Variants in ZNF615 observed in about 807,000 individuals in gnomAD.
ZNF615 encodes the protein zinc finger protein 615.
A neutral mutation model predicts 15.3 loss-of-function variants in ZNF615; 15 were observed. The observed-to-expected ratio is 0.98, with a 90% CI of 0.66 to 1.51. ZNF615 has a LOEUF of 1.51. ZNF615 is among the 40% of genes most tolerant of loss of function. ZNF615 has a pLI of 0.00. For missense variants in ZNF615, 848 were observed against 895.9 expected (o/e 0.95, Z 0.68); for synonymous variants, 268 against 294.6 (o/e 0.91, Z 0.92).
At position 51,992,948 on chromosome 19, in the gene ZNF615, A is replaced by G. The variant is rs1031087208; in HGVS notation, c.2161T>C (p.Cys721Arg). Residue 721 changes from cysteine (C) to arginine (R), a missense_variant, in exon 7 of 7, where the codon TGT becomes CGT. Physicochemically the swap from Cys to Arg is radical, Grantham distance 180. Transcript: ENST00000598071. ...GCAAAAGCTTTCCCACAATCACTAC[A>G]TCCATAGGGCCTCTCTCCTGTATGT... is the stretch of plus-strand genomic sequence containing the variant. ...RKHTGERPYGCSDCGKAFAHL... is the reference protein window; with the variant it reads ...RKHTGERPYGRSDCGKAFAHL... 1 of 1,614,118 alleles carries G rather than the reference A, an allele frequency of 6.2e-7. No homozygotes were observed. Among genetic ancestry groups the G allele is most frequent in the South Asian group, 1.1e-5 (1 of 91,074 alleles).
chr19:51,996,652 A>AAGAG (rs1172543448), intron 6 of ZNF615, among the ~76,000 whole-genome samples: 1 of 152,224 alleles, frequency 6.6e-6, no homozygotes, highest in Non-Finnish European at 1.5e-5. Flanking sequence ...TATTCAAAGA[A>AAGAG]AGAGTACTGG....
In ZNF615 at chr19:51,991,857, G is replaced by A. The variant is rs1222053689; in HGVS notation, c.*1023C>T. On this transcript the variant is annotated 3_prime_UTR_variant, in exon 7 of 7. Coordinates refer to ENST00000598071, the MANE Select transcript of ZNF615 (RefSeq NM_001199324.2). ...ATTTCACTTTCCTGTATTTGGTAAT[G>A]AACTATGCTTATGTAAGTTGTTATC... is the stretch of plus-strand genomic sequence containing the variant. 4.0e-5 allele frequency: 6 copies of A among 151,540 alleles called. No homozygotes were observed. In the East Asian group the frequency reaches 9.7e-4, roughly 24 times the overall value. 9.4% of individuals were successfully genotyped at this position (151,540 alleles called of 1,614,324 possible).
rs2086263945 is a variant in ZNF615 at position 51,992,586 on chromosome 19, T to C, written c.*294A>G. ...TGGGCAAAGACGTTCCTATAATTAT[T>C]ACATTTCCACGAATTAGTAGTTTAT... On this transcript the variant is annotated 3_prime_UTR_variant, in exon 7 of 7. Coordinates refer to ENST00000598071, the MANE Select transcript of ZNF615 (RefSeq NM_001199324.2). The C allele has an allele frequency of 3.5e-6, 1 of 287,760 alleles. No individual in the cohort carries two copies. The highest frequency in any genetic ancestry group is 8.9e-5 in the South Asian group (1 of 11,240). 17.8% of individuals were successfully genotyped at this position (287,760 alleles called of 1,614,324 possible).
At chr19:52,001,616 CAAAA>C (rs200193378) in intron 5 of ZNF615, among the ~76,000 whole-genome samples, 193 bp downstream of exon 5, 5 of 105,402 alleles carry the variant, frequency 4.7e-5, no homozygotes, top group Non-Finnish European at 4.4e-5. Context: ...GACTCCATCT[CAAAA>C]AAAAAAAAAA....
chr19:51,992,675 C>A lies in ZNF615; in HGVS notation c.*205G>T. 1 of 618,438 alleles carries A rather than the reference C, an allele frequency of 1.6e-6. No individual in the cohort carries two copies. The allele number at this position is 618,438 out of a possible 1,614,324, so 38.3% of individuals were successfully genotyped here. The stretch of plus-strand genomic sequence containing the variant: ...CACCAAAGGCTTTTATAGTCTGCCA[C>A]ATTCATAGGATTTTTCTCAGTATAC... On this transcript the variant is annotated 3_prime_UTR_variant, in exon 7 of 7. Transcript: ENST00000598071.
Position 52,008,131 on chromosome 19 carries a change from CTG to C in ZNF615, c.-228+8_-228+9del. Reference sequence around the variant, plus strand: ...CGTCACCACAGCGACCACCCAGTGACTGAACTTACTTCCCAGAACTTGGTGGG... The same window carrying C: ...CGTCACCACAGCGACCACCCAGTGACAACTTACTTCCCAGAACTTGGTGGG... On this transcript the variant is annotated splice_region_variant and intron_variant, in intron 1 of 6. Coordinates refer to ENST00000598071, the MANE Select transcript of ZNF615 (RefSeq NM_001199324.2). The C allele has an allele frequency of 2.0e-6, 3 of 1,535,516 alleles. No individual in the cohort carries two copies. Among genetic ancestry groups the C allele is most frequent in the Non-Finnish European group, 2.6e-6 (3 of 1,146,726 alleles).
In ZNF615 at chr19:52,003,894, C is replaced by T; in HGVS notation, c.-183G>A. 1.4e-6 allele frequency: 2 copies of T among 1,400,150 alleles called. No homozygotes were observed. The highest frequency in any genetic ancestry group is 1.9e-6 in the Non-Finnish European group (2 of 1,079,572). The allele number at this position is 1,400,150 out of a possible 1,614,324, so 86.7% of individuals were successfully genotyped here. On this transcript the variant is annotated 5_prime_UTR_variant, in exon 3 of 7. Coordinates refer to ENST00000598071, the MANE Select transcript of ZNF615 (RefSeq NM_001199324.2). ...ACTTGATTTCTCTTGTTCTCAGCAC[C>T]TGTGGGCTGAAGAGCAAATTACTCT...
Position 51,995,876 on chromosome 19 carries a change from G to A in ZNF615, c.272-1039C>T, listed in dbSNP as rs564643682. Among the ~76,000 whole-genome samples, 51 of 152,026 alleles carry A rather than the reference G, an allele frequency of 3.4e-4. No homozygotes were observed. In the East Asian group the frequency reaches 7.7e-3, roughly 23 times the overall value. On this transcript the variant is annotated intron_variant, in intron 6 of 6. Coordinates refer to ENST00000598071, the MANE Select transcript of ZNF615 (RefSeq NM_001199324.2). Reference sequence around the variant, plus strand: ...GCCACTGCACTCAGCCAATTTTCACGAAGGTTTAATTTTAGTTAGGAAAAA... The same window carrying A: ...GCCACTGCACTCAGCCAATTTTCACAAAGGTTTAATTTTAGTTAGGAAAAA...
intron 1 of ZNF615, 23 bp downstream of exon 1, chr19:52,008,118 G>T: frequency 1.3e-6 from 2 of 1,534,534 alleles, no homozygotes; most frequent in Non-Finnish European, 1.7e-6. Context: ...TCACCACAGC[G>T]ACCACCCAGT....
rs776965523 is a variant in ZNF615, at chr19:51,993,806, C to T, written c.1303G>A (p.Gly435Arg). The T allele has an allele frequency of 6.2e-7, 1 of 1,614,170 alleles. No individual in the cohort carries two copies. The highest frequency in any genetic ancestry group is 1.1e-5 in the South Asian group (1 of 91,074). ...TCATTGCATTTATAAGGTTTCTCTC[C>T]AGTATGAGTTCGTTGATGTACCATG... ...CLMVHQRTHT[G>R]EKPYKCNECG... is the part of the protein sequence containing the mutation. Residue 435 changes from glycine to arginine, a missense_variant, in exon 7 of 7, where the codon GGA becomes AGA. By Grantham distance (125) the Gly-to-Arg change is moderately radical. Transcript: ENST00000598071.
rs751061753 is a variant in ZNF615 at position 51,993,200 on chromosome 19, A to C, written c.1909T>G (p.Cys637Gly). The stretch of plus-strand genomic sequence containing the variant: ...CTGAAGGTTTTATCACATTCATTGC[A>C]TTTGTATGGCTTCTCTCCAGTATGA... ...QTHTGEKPYK[C>G]NECDKTFRKK... The change falls in exon 7 of 7, where the codon TGC (cysteine) becomes GGC (glycine). Residue 637 changes from cysteine to glycine, a missense_variant. Physicochemically the swap from Cys to Gly is radical, Grantham distance 159 (BLOSUM62 -3). Coordinates refer to ENST00000598071, the MANE Select transcript of ZNF615 (RefSeq NM_001199324.2). 6.2e-7 allele frequency: 1 copy of C among 1,614,182 alleles called. No individual in the cohort carries two copies. Among genetic ancestry groups the C allele is most frequent in the African/African-American group, 1.3e-5 (1 of 75,044 alleles).
intron 3 of ZNF615, among the ~76,000 whole-genome samples, chr19:52,002,713 G>A (rs1020337594): frequency 1.3e-5 from 2 of 151,656 alleles, no homozygotes; most frequent in East Asian, 1.9e-4. Flanking sequence ...AAATAACTAT[G>A]GTTAACATAG....
chr19:52,003,856 G>A lies in ZNF615; in HGVS notation c.-145C>T, dbSNP rs997748165. On this transcript the variant is annotated 5_prime_UTR_variant, in exon 3 of 7. Transcript: ENST00000598071. The stretch of plus-strand genomic sequence containing the variant: ...ATGACACCCAAGTCTTGGAAACTCC[G>A]CCTCCTTCCTTCACTTGATTTCTCT... The A allele has an allele frequency of 1.5e-4, 226 of 1,478,336 alleles. No homozygotes were observed. Among genetic ancestry groups the A allele is most frequent in the East Asian group, 4.3e-4 (18 of 42,138 alleles). The allele number at this position is 1,478,336 out of a possible 1,614,324, so 91.6% of individuals were successfully genotyped here.
rs201271389 is a variant in ZNF615 at position 52,001,795 on chromosome 19, G to C, written c.238+18C>G. 63 of 1,609,254 alleles carry C rather than the reference G, an allele frequency of 3.9e-5. No individual in the cohort carries two copies. The Middle Eastern group carries it at 2.5e-3, about 63-fold the overall frequency. On this transcript the variant is annotated intron_variant, in intron 5 of 6. Coordinates refer to ENST00000598071, the MANE Select transcript of ZNF615 (RefSeq NM_001199324.2). Reference sequence around the variant, plus strand: ...CATGGTGTCTGTGGCTGTCCACCTGGCTGCTCCTCTCACTCACCAGAACAG... The same window carrying C: ...CATGGTGTCTGTGGCTGTCCACCTGCCTGCTCCTCTCACTCACCAGAACAG...
chr19:52,004,387 CT>C (rs5828503), intron 2 of ZNF615: 62,424 of 149,528 alleles, frequency 0.42, 14,850 homozygotes, highest in African/African-American at 0.65. Flanking sequence ...GACTTTTTTT[CT>C]TTTTTTTTTG....
chr19:51,992,788 A>T lies in ZNF615; in HGVS notation c.*92T>A. On this transcript the variant is annotated 3_prime_UTR_variant, in exon 7 of 7. Coordinates refer to ENST00000598071, the MANE Select transcript of ZNF615 (RefSeq NM_001199324.2). ...CAAAACATGAAGTAACTGATCACTA[A>T]ATAAACAACCATGTAGTCTGCATTC... The T allele has an allele frequency of 7.2e-7, 1 of 1,398,172 alleles. No individual in the cohort carries two copies. The highest frequency in any genetic ancestry group is 9.7e-7 in the Non-Finnish European group (1 of 1,028,286). 86.6% of individuals were successfully genotyped at this position (1,398,172 alleles called of 1,614,324 possible).
chr19:52,006,775 C>G (rs375314564), intron 2 of ZNF615, among the ~76,000 whole-genome samples: 5 of 152,240 alleles, frequency 3.3e-5, no homozygotes, highest in African/African-American at 9.6e-5. Context: ...TAACATTAAA[C>G]TTCTTTCAAT....
At position 51,994,763 on chromosome 19, in the gene ZNF615, G is replaced by A; in HGVS notation, c.346C>T (p.His116Tyr). 1.2e-6 allele frequency: 2 copies of A among 1,613,420 alleles called. No individual in the cohort carries two copies. The highest frequency in any genetic ancestry group is 1.3e-5 in the African/African-American group (1 of 75,006). Residue 116 changes from histidine (H) to tyrosine (Y), a missense_variant, in exon 7 of 7, where the codon CAT becomes TAT. Coordinates refer to ENST00000598071, the MANE Select transcript of ZNF615 (RefSeq NM_001199324.2). The part of the protein sequence containing the change: ...QSIQKSVKQC[H>Y]EQNMFGNIVN... ...ATATTTCCAAACATATTCTGTTCAT[G>A]GCACTGTTTCACACTCTTCTGAATA...
Position 51,993,817 on chromosome 19 carries a change from C to T in ZNF615, c.1292G>A (p.Arg431Gln), listed in dbSNP as rs142913953. The change falls in exon 7 of 7, where the codon CGA (arginine) becomes CAA (glutamine). Residue 431 changes from arginine to glutamine, a missense_variant. Coordinates refer to ENST00000598071, the MANE Select transcript of ZNF615 (RefSeq NM_001199324.2). ...SMKHCLMVHQRTHTGEKPYKC... is the reference protein window; with the variant it reads ...SMKHCLMVHQQTHTGEKPYKC... ...ATAAGGTTTCTCTCCAGTATGAGTT[C>T]GTTGATGTACCATGAGACAGTGCTT... 461 of 1,614,134 alleles carry T rather than the reference C, an allele frequency of 2.9e-4. 2 individuals carry two copies. In the East Asian group the frequency reaches 9.5e-3, roughly 33 times the overall value.
Sources: gnomAD v4.1 joint callset for allele counts (sites outside exome capture counted in the v4.1 genomes callset) on GRCh38, gnomAD v4.1.1 for gene constraint, MANE v1.5 for transcripts, NCBI Gene and HGNC (gene_info 2026-07-23, HGNC 2026-07-21) for gene names.